Variants in RHOA observed in about 807,000 individuals in gnomAD.
RHOA encodes ras homolog family member A.
A neutral mutation model predicts 17.5 loss-of-function variants in RHOA; 3 were observed. The ratio of observed to expected loss-of-function variants is 0.17; its 90% CI spans 0.08 to 0.44. RHOA has a LOEUF of 0.44. Ranked by LOEUF, RHOA falls within the 20% of genes least tolerant of loss-of-function variation. RHOA has a pLI of 0.99. For missense variants in RHOA, 56 were observed against 242.3 expected (o/e 0.23, Z 5.10); for synonymous variants, 98 against 88.4 (o/e 1.11, Z -0.61).
At chr3:49,369,006 CTTTTTTTTT>C (rs1160140765) in intron 2 of RHOA, among the ~76,000 whole-genome samples, 3 of 59,708 alleles carry the variant, frequency 5.0e-5, no homozygotes, top group Non-Finnish European at 5.6e-5. Context: ...CGCGCCTGGC[CTTTTTTTTT>C]TTTTTTTTTT....
Position 49,364,104 on chromosome 3 carries a change from C to CT in RHOA, c.278-1479dup, listed in dbSNP as rs545924508. 1.4e-4 allele frequency among the ~76,000 whole-genome samples: 22 copies of CT among 152,068 alleles called. No individual in the cohort carries two copies. The South Asian group carries it at 4.6e-3, about 32-fold the overall frequency. On this transcript the variant is annotated intron_variant, in intron 3 of 4. Transcript: ENST00000418115. ...GTGGCTCACGTCTATAATCCCAAAA[C>CT]TTTGAGAGGCTGAGGCAGGTGGATC...
At chr3:49,375,984 G>C (rs1181695520) in intron 1 of RHOA, among the ~76,000 whole-genome samples, 8 of 152,056 alleles carry the variant, frequency 5.3e-5, no homozygotes, top group Non-Finnish European at 1.5e-5. Flanking sequence ...AAGTAGCTGG[G>C]ATTACAGGCA....
intron 1 of RHOA, among the ~76,000 whole-genome samples, chr3:49,379,570 G>C (rs889271250): frequency 6.6e-5 from 10 of 152,170 alleles, no homozygotes; most frequent in Admixed American, 4.6e-4. Context: ...CTGGAGTATA[G>C]TGGTGCGATC....
chr3:49,408,798 T>C (rs1433646951), intron 1 of RHOA, among the ~76,000 whole-genome samples: 1 of 99,552 alleles, frequency 1.0e-5, no homozygotes, highest in East Asian at 2.7e-4. Context: ...TAAGATCCTT[T>C]TTTTTTTTTT....
At position 49,393,725 on chromosome 3, in the gene RHOA, TGTGTGA is replaced by T. The variant is rs1559512276; in HGVS notation, c.-3+18089_-3+18094del. On this transcript the variant is annotated intron_variant, in intron 1 of 4. Coordinates refer to ENST00000418115, the MANE Select transcript of RHOA (RefSeq NM_001664.4). ...GTGTGTGTGTGTGTGTGTGTGTGTG[TGTGTGA>T]CAGAATCTCGCTCTGTCGCCCAGGC... Among the ~76,000 whole-genome samples, 51 of 107,046 alleles carry T rather than the reference TGTGTGA, an allele frequency of 4.8e-4. 3 individuals carry two copies. The highest frequency in any genetic ancestry group is 1.6e-3 in the African/African-American group (49 of 31,024). The allele number at this position is 107,046 out of a possible 152,430, so 70.2% of individuals were successfully genotyped here.
chr3:49,394,751 C>T (rs1410609323), intron 1 of RHOA, among the ~76,000 whole-genome samples: 1 of 152,132 alleles, frequency 6.6e-6, no homozygotes, highest in African/African-American at 2.4e-5. Context: ...TAATTAAGTG[C>T]TGTAACAAAA....
At chr3:49,376,035 TTC>T in intron 1 of RHOA, among the ~76,000 whole-genome samples, 1 of 151,830 alleles carries the variant, frequency 6.6e-6, no homozygotes, top group South Asian at 2.1e-4. Context: ...GAGATGGGGT[TTC>T]ACCTTGTTGG....
chr3:49,387,713 C>A (rs1447072054), intron 1 of RHOA, among the ~76,000 whole-genome samples: 1 of 136,444 alleles, frequency 7.3e-6, no homozygotes, highest in Non-Finnish European at 1.5e-5. Flanking sequence ...CACCCCAGCC[C>A]GGGGGACAGA....
At chr3:49,375,063 A>G (rs6775069) in intron 2 of RHOA, among the ~76,000 whole-genome samples, 111,909 of 151,724 alleles carry the variant, frequency 0.74, 41,729 homozygotes, top group East Asian at 0.99. Context: ...CCGAGGTCAG[A>G]AGTTTGAGAC....
intron 1 of RHOA, among the ~76,000 whole-genome samples, chr3:49,392,289 G>T (rs1222942086): frequency 6.6e-6 from 1 of 151,980 alleles, no homozygotes; most frequent in African/African-American, 2.4e-5. Flanking sequence ...AATTAGCCAG[G>T]CGTGTTGGTG....
intron 1 of RHOA, among the ~76,000 whole-genome samples, chr3:49,403,382 G>A (rs1012646626): frequency 6.6e-6 from 1 of 152,018 alleles, no homozygotes; most frequent in African/African-American, 2.4e-5. Context: ...TCTTTAACTC[G>A]ACTGAGTGGC....
intron 1 of RHOA, among the ~76,000 whole-genome samples, chr3:49,382,925 G>A (rs1013488694): frequency 6.6e-6 from 1 of 151,700 alleles, no homozygotes; most frequent in African/African-American, 2.4e-5. Context: ...CGTGGTGGTG[G>A]GCACCTGTAA....
At chr3:49,401,710 CTGCTTATCCAAAA>C (rs1457426926) in intron 1 of RHOA, among the ~76,000 whole-genome samples, 1 of 152,160 alleles carries the variant, frequency 6.6e-6, no homozygotes, top group Non-Finnish European at 1.5e-5. Context: ...AGGTTGAGTA[CTGCTTATCCAAAA>C]TGCTTGGGCC....
intron 1 of RHOA, among the ~76,000 whole-genome samples, chr3:49,390,823 C>T (rs2048489402): frequency 6.6e-6 from 1 of 151,940 alleles, no homozygotes; most frequent in Non-Finnish European, 1.5e-5. Flanking sequence ...TGGCTCTCCC[C>T]TATAATCTCA....
At chr3:49,369,037 T>TTGTTG (rs1265515625) in intron 2 of RHOA, among the ~76,000 whole-genome samples, 7 of 94,808 alleles carry the variant, frequency 7.4e-5, no homozygotes, top group African/African-American at 3.0e-4. Context: ...TTTTTTTTTT[T>TTGTTG]TTGTTGAGAC....
chr3:49,363,789 T>C (rs867255365), intron 3 of RHOA, among the ~76,000 whole-genome samples: 2 of 150,064 alleles, frequency 1.3e-5, no homozygotes, highest in African/African-American at 2.5e-5. Context: ...GAGGTGGAGG[T>C]TGTGATGAGT....
chr3:49,376,923 G>GT (rs1235028731), intron 1 of RHOA, among the ~76,000 whole-genome samples: 1 of 151,912 alleles, frequency 6.6e-6, no homozygotes, highest in Non-Finnish European at 1.5e-5. Flanking sequence ...GAGGTCAGGA[G>GT]TTTGAGACCA....
intron 1 of RHOA, among the ~76,000 whole-genome samples, chr3:49,390,710 CA>C (rs1357361359): frequency 2.0e-5 from 3 of 152,100 alleles, no homozygotes; most frequent in Non-Finnish European, 4.4e-5. Flanking sequence ...GGAAAATTTA[CA>C]AATTTTGATA....
intron 1 of RHOA, 51 bp downstream of exon 1, chr3:49,411,769 G>C (rs1039449938): frequency 6.6e-6 from 1 of 151,962 alleles, no homozygotes; most frequent in East Asian, 1.9e-4. Context: ...AAGAGTACCG[G>C]GCTGGCGGGC....
Sources: allele counts gnomAD v4.1 joint callset (sites outside exome capture counted in the v4.1 genomes callset), GRCh38; gene constraint gnomAD v4.1.1; transcripts MANE v1.5; gene names NCBI Gene and HGNC (gene_info 2026-07-23, HGNC 2026-07-21).